Variants in PDE10A observed in about 807,000 individuals in gnomAD.
PDE10A encodes phosphodiesterase 10A.
Under a neutral mutation model 97.7 loss-of-function variants are expected in PDE10A, and 39 were observed. The observed-to-expected ratio is 0.40, with a 90% CI of 0.31 to 0.52. PDE10A has a LOEUF of 0.52. Ranked by LOEUF, PDE10A falls within the 20% of genes least tolerant of loss-of-function variation. The pLI, the probability that PDE10A is intolerant of heterozygous loss-of-function variation, is 0.56. For synonymous variants in PDE10A, 371 were observed against 376.8 expected, an observed-to-expected ratio of 0.98 and a Z score of 0.18; for missense variants, 731 against 1,047.8, an observed-to-expected ratio of 0.70 and a Z score of 4.17.
At chr6:165,604,676 C>T (rs770476886) in intron 1 of PDE10A, among the ~76,000 whole-genome samples, 6 of 152,182 alleles carry the variant, frequency 3.9e-5, no homozygotes, top group Non-Finnish European at 8.8e-5. Flanking sequence ...TACACTAAGG[C>T]GTAAAGCAGA....
intron 19 of PDE10A, among the ~76,000 whole-genome samples, chr6:165,340,310 G>A (rs1346419930): frequency 4.0e-5 from 6 of 151,888 alleles, no homozygotes; most frequent in Non-Finnish European, 7.4e-5. Context: ...TTTTAGTAAC[G>A]TTGGTCATGT....
In PDE10A at chr6:165,379,325, T is replaced by C; in HGVS notation, c.2652A>G (p.Glu884=). The C allele has an allele frequency of 6.2e-7, 1 of 1,613,928 alleles. No individual in the cohort carries two copies. Among genetic ancestry groups the C allele is most frequent in the Non-Finnish European group, 8.5e-7 (1 of 1,179,884 alleles). Residue 884 remains glutamate (E), a synonymous_variant, in exon 18 of 22, where the codon GAA becomes GAG. Coordinates refer to ENST00000539869, the MANE Select transcript of PDE10A (RefSeq NM_001385079.1). The stretch of plus-strand genomic sequence containing the variant: ...GGATGATCTCAAGCACCTGCTCATA[T>C]TCACTGGAGCTCAGAGTGGAGAAGA... ...HNIFSTLSSS[E]YEQVLEIIRK...
At chr6:165,853,495 CAG>C (rs1306990005) in intron 1 of PDE10A, among the ~76,000 whole-genome samples, 2 of 152,204 alleles carry the variant, frequency 1.3e-5, no homozygotes, top group Non-Finnish European at 2.9e-5. Flanking sequence ...ATCTTTATAT[CAG>C]AGTCATTCAC....
chr6:165,978,998 G>A (rs116374745), intron 1 of PDE10A, among the ~76,000 whole-genome samples: 2,630 of 152,290 alleles, frequency 0.017, 75 homozygotes, highest in African/African-American at 0.059. Context: ...TTTGTGATGG[G>A]TATTCCATGA....
chr6:165,436,534 A>T (rs1790031017), intron 5 of PDE10A, among the ~76,000 whole-genome samples: 1 of 152,178 alleles, frequency 6.6e-6, no homozygotes, highest in African/African-American at 2.4e-5. Flanking sequence ...ATTATAAATG[A>T]TTAGAAGCTA....
intron 1 of PDE10A, among the ~76,000 whole-genome samples, chr6:165,684,795 T>G (rs1354341239): frequency 1.3e-5 from 2 of 152,244 alleles, no homozygotes; most frequent in African/African-American, 4.8e-5. Flanking sequence ...ACAATGAAAG[T>G]TCCATATAGT....
At chr6:165,514,874 G>A (rs567971821) in intron 2 of PDE10A, among the ~76,000 whole-genome samples, 36 of 152,292 alleles carry the variant, frequency 2.4e-4, no homozygotes, top group Non-Finnish European at 4.0e-4. Flanking sequence ...GCCTTTGAAT[G>A]ATGTCCAGAG....
chr6:165,541,585 T>G (rs1203861905), intron 2 of PDE10A, among the ~76,000 whole-genome samples: 1 of 152,220 alleles, frequency 6.6e-6, no homozygotes, highest in African/African-American at 2.4e-5. Context: ...TACACTACAC[T>G]ATTATCCCTC....
At chr6:165,559,843 C>T (rs2128336802) in intron 1 of PDE10A, among the ~76,000 whole-genome samples, 1 of 152,276 alleles carries the variant, frequency 6.6e-6, no homozygotes, top group Admixed American at 6.5e-5. Flanking sequence ...GGGATTTCTG[C>T]TTTCGCTTCT....
intron 1 of PDE10A, among the ~76,000 whole-genome samples, chr6:165,788,270 C>A (rs866011771): frequency 6.6e-6 from 1 of 152,018 alleles, no homozygotes; most frequent in African/African-American, 2.4e-5. Flanking sequence ...ATAATCCCAG[C>A]ACTTTGGGAG....
At chr6:165,788,902 CGTGCACCACCCCCAGTGT>C (rs1248318078) in intron 1 of PDE10A, among the ~76,000 whole-genome samples, 4 of 152,058 alleles carry the variant, frequency 2.6e-5, no homozygotes, top group Non-Finnish European at 5.9e-5. Flanking sequence ...AAGCCAAGTG[CGTGCACCACCCCCAGTGT>C]GTGCACCATC....
At chr6:165,759,285 C>T (rs1793196752) in intron 1 of PDE10A, among the ~76,000 whole-genome samples, 1 of 94,852 alleles carries the variant, frequency 1.1e-5, no homozygotes, top group African/African-American at 2.6e-5. Flanking sequence ...TGAGCCACAT[C>T]CTAACAGAGA....
At position 165,330,478 on chromosome 6, in the gene PDE10A, T is replaced by C. The variant is rs1204430707; in HGVS notation, c.*2547A>G. 6.6e-6 allele frequency: 1 copy of C among 152,226 alleles called. No homozygotes were observed. Among genetic ancestry groups the C allele is most frequent in the Non-Finnish European group, 1.5e-5 (1 of 68,028 alleles). 9.4% of individuals were successfully genotyped at this position (152,226 alleles called of 1,614,324 possible). ...CGGGTCCTTTTATTTTAGGTAAATC[T>C]GTGATTACTAAGTAAATCTTACACA... On this transcript the variant is annotated 3_prime_UTR_variant, in exon 22 of 22. Coordinates refer to ENST00000539869, the MANE Select transcript of PDE10A (RefSeq NM_001385079.1).
At chr6:165,378,963 T>G (rs949434769) in intron 18 of PDE10A, among the ~76,000 whole-genome samples, 1 of 152,232 alleles carries the variant, frequency 6.6e-6, no homozygotes, top group Non-Finnish European at 1.5e-5. Flanking sequence ...GTGTGATTAG[T>G]GTAACTTCCA....
chr6:165,338,091 C>G (rs2128176760), intron 20 of PDE10A, among the ~76,000 whole-genome samples: 1 of 152,244 alleles, frequency 6.6e-6, no homozygotes, highest in East Asian at 1.9e-4. Context: ...CAAAATACAC[C>G]TGCAGTAAAC....
intron 2 of PDE10A, among the ~76,000 whole-genome samples, chr6:165,526,628 T>A (rs564081490): frequency 6.6e-6 from 1 of 152,272 alleles, no homozygotes; most frequent in East Asian, 1.9e-4. Context: ...TTTGCAGAAG[T>A]CAGACGGATC....
chr6:165,407,038 C>T (rs1006984981), intron 13 of PDE10A, among the ~76,000 whole-genome samples: 1 of 152,132 alleles, frequency 6.6e-6, no homozygotes, highest in African/African-American at 2.4e-5. Context: ...CTCCAGCTTG[C>T]AGATGGCCTA....
chr6:165,804,638 G>A (rs1201929955), intron 1 of PDE10A, among the ~76,000 whole-genome samples: 1 of 152,164 alleles, frequency 6.6e-6, no homozygotes, highest in Non-Finnish European at 1.5e-5. Context: ...GGAAACCCGG[G>A]GGCCTTGGCC....
chr6:165,577,777 G>A (rs1233111824), intron 1 of PDE10A, among the ~76,000 whole-genome samples: 1 of 152,230 alleles, frequency 6.6e-6, no homozygotes, highest in Non-Finnish European at 1.5e-5. Context: ...CACTTCTGAT[G>A]ACATCATGCC....
Sources: allele counts gnomAD v4.1 joint callset (sites outside exome capture counted in the v4.1 genomes callset), GRCh38; gene constraint gnomAD v4.1.1; transcripts MANE v1.5; gene names NCBI Gene and HGNC (gene_info 2026-07-23, HGNC 2026-07-21).